PLCH1: variants seen among roughly 807,000 people sequenced by gnomAD.
The protein encoded by PLCH1 is 1-phosphatidylinositol 4,5-bisphosphate phosphodiesterase eta-1.
Under a neutral mutation model 126.7 loss-of-function variants are expected in PLCH1, and 60 were observed. The observed-to-expected ratio is 0.47, with a 90% CI of 0.38 to 0.59. The LOEUF (loss-of-function observed/expected upper bound fraction) is 0.59, where lower values mean the gene tolerates loss of function less well. Ranked by LOEUF, PLCH1 falls within the 20% of genes least tolerant of loss-of-function variation. The probability of loss-of-function intolerance (pLI) is 0.00; values close to 1 mark genes in which losing one functional copy is unlikely to be tolerated. For synonymous variants in PLCH1, 719 were observed against 734.9 expected (o/e 0.98, Z 0.35); for missense variants, 1,723 against 2,040.0 (o/e 0.84, Z 2.99).
At chr3:155,544,355 C>T (rs1287462090) in intron 10 of PLCH1, among the ~76,000 whole-genome samples, 1 of 152,146 alleles carries the variant, frequency 6.6e-6, no homozygotes, top group Non-Finnish European at 1.5e-5. Flanking sequence ...AATATATATG[C>T]ACCCAATACA....
rs1432445229 is a variant in PLCH1, at chr3:155,482,395, T to C, written c.3631A>G (p.Asn1211Asp). 5 of 1,614,006 alleles carry C rather than the reference T, an allele frequency of 3.1e-6. No homozygotes were observed. Among genetic ancestry groups the C allele is most frequent in the East Asian group, 2.2e-5 (1 of 44,886 alleles). ...CAATGGCCTGACATCACACTGGTAT[T>C]ATGAAGATGAGAAACAACTGTGAGA... ...QALTVVSHLH[N>D]TSVMSGHCPL... The change falls in exon 23 of 23, where the codon AAT becomes GAT. Residue 1211 changes from asparagine (N) to aspartate (D), a missense_variant. Asn to Asp is a conservative substitution (Grantham distance 23). Transcript: ENST00000460012.
chr3:155,537,987 A>G (rs1259400762), intron 10 of PLCH1, among the ~76,000 whole-genome samples: 1 of 152,166 alleles, frequency 6.6e-6, no homozygotes, highest in Non-Finnish European at 1.5e-5. Flanking sequence ...AAGACAGACC[A>G]TATGACAGGC....
chr3:155,578,240 T>C (rs1165083769), intron 6 of PLCH1, among the ~76,000 whole-genome samples: 1 of 152,226 alleles, frequency 6.6e-6, no homozygotes, highest in East Asian at 1.9e-4. Flanking sequence ...TTTCTACCTG[T>C]CTTACGGCTA....
chr3:155,518,020 T>G (rs1267618432), intron 11 of PLCH1, among the ~76,000 whole-genome samples: 1 of 152,206 alleles, frequency 6.6e-6, no homozygotes, highest in Non-Finnish European at 1.5e-5. Flanking sequence ...TGGATAGTCC[T>G]GACCCCTATG....
At chr3:155,702,908 T>C (rs1746379279) in intron 2 of PLCH1, among the ~76,000 whole-genome samples, 1 of 152,162 alleles carries the variant, frequency 6.6e-6, no homozygotes, top group South Asian at 2.1e-4. Flanking sequence ...AGAACCTCAG[T>C]GCCACAGGGT....
chr3:155,512,631 C>T (rs1231939009), intron 12 of PLCH1, among the ~76,000 whole-genome samples: 4 of 152,136 alleles, frequency 2.6e-5, no homozygotes, highest in African/African-American at 9.7e-5. Context: ...GTGGTAAGAG[C>T]ACGGTACCAG....
chr3:155,592,327 CAAAA>C (rs11426252), intron 4 of PLCH1, among the ~76,000 whole-genome samples: 1 of 122,796 alleles, frequency 8.1e-6, no homozygotes, highest in Non-Finnish European at 1.7e-5. Context: ...ACTAAAAATA[CAAAA>C]AAAAAAAAAA....
chr3:155,680,736 C>T (rs1260641674), intron 2 of PLCH1, among the ~76,000 whole-genome samples: 1 of 152,126 alleles, frequency 6.6e-6, no homozygotes, highest in Non-Finnish European at 1.5e-5. Context: ...AGGAAATCAT[C>T]AGAAATATAA....
intron 2 of PLCH1, among the ~76,000 whole-genome samples, chr3:155,624,974 G>T (rs958626172): frequency 1.3e-5 from 2 of 152,080 alleles, no homozygotes; most frequent in African/African-American, 2.4e-5. Flanking sequence ...GAGGCATCAT[G>T]GTACCTGACT....
intron 17 of PLCH1, among the ~76,000 whole-genome samples, chr3:155,493,645 CAA>C (rs1392103388): frequency 1.3e-5 from 2 of 152,236 alleles, no homozygotes; most frequent in East Asian, 3.8e-4. Context: ...CTTGACCTCA[CAA>C]AGTGCTGGAA....
At chr3:155,727,049 C>T (rs1203538188) in intron 1 of PLCH1, among the ~76,000 whole-genome samples, 1 of 151,678 alleles carries the variant, frequency 6.6e-6, no homozygotes, top group Non-Finnish European at 1.5e-5. Context: ...TTCTATGCAG[C>T]TTGGATTTAC....
intron 2 of PLCH1, among the ~76,000 whole-genome samples, chr3:155,678,096 A>C (rs1166325296): frequency 6.6e-6 from 1 of 152,200 alleles, no homozygotes; most frequent in Non-Finnish European, 1.5e-5. Context: ...TTCCTTCCAA[A>C]GATCCCCCTC....
chr3:155,678,419 CTGTT>C (rs1744262896), intron 2 of PLCH1, among the ~76,000 whole-genome samples: 1 of 152,190 alleles, frequency 6.6e-6, no homozygotes, highest in Non-Finnish European at 1.5e-5. Context: ...CCATAAGTGT[CTGTT>C]TGACCACAAA....
At chr3:155,651,281 T>C (rs1440792742) in intron 2 of PLCH1, among the ~76,000 whole-genome samples, 1 of 152,202 alleles carries the variant, frequency 6.6e-6, no homozygotes, top group Non-Finnish European at 1.5e-5. Flanking sequence ...ATAGCATTAT[T>C]TGTAGAGCAA....
At chr3:155,636,247 G>A (rs1260199998) in intron 2 of PLCH1, among the ~76,000 whole-genome samples, 2 of 152,012 alleles carry the variant, frequency 1.3e-5, no homozygotes, top group African/African-American at 4.8e-5. Context: ...AGACTTCCCT[G>A]GAATAGGATT....
chr3:155,602,287 C>T (rs1028907984), intron 2 of PLCH1, among the ~76,000 whole-genome samples: 1 of 152,072 alleles, frequency 6.6e-6, no homozygotes, highest in African/African-American at 2.4e-5. Context: ...CAAATACCTG[C>T]TTATCATTAC....
At chr3:155,734,344 C>T (rs1293282256) in intron 1 of PLCH1, among the ~76,000 whole-genome samples, 2 of 152,060 alleles carry the variant, frequency 1.3e-5, no homozygotes, top group Non-Finnish European at 2.9e-5. Context: ...CCTGTACTCC[C>T]AGCTACTCAG....
intron 1 of PLCH1, chr3:155,743,569 G>A (rs779526504): frequency 1.3e-5 from 6 of 453,628 alleles, no homozygotes; most frequent in Non-Finnish European, 2.7e-5. Context: ...ACCAGCTTGA[G>A]AAAACTGGCT....
chr3:155,594,246 TAAGA>T, intron 3 of PLCH1, 62 bp from the exon 4 acceptor site: 1 of 1,484,074 alleles, frequency 6.7e-7, no homozygotes, highest in East Asian at 2.3e-5. Context: ...TTACATGCAC[TAAGA>T]AACAAGAAAA....
Sources: allele counts gnomAD v4.1 joint callset (sites outside exome capture counted in the v4.1 genomes callset), GRCh38; gene constraint gnomAD v4.1.1; transcripts MANE v1.5; gene names NCBI Gene and HGNC (gene_info 2026-07-23, HGNC 2026-07-21).